PVT1: variants seen among roughly 807,000 people sequenced by gnomAD.
PVT1 encodes Pvt1 oncogene, also known as CXCR4/PVT1 fusion.
intron 5 of PVT1, among the ~76,000 whole-genome samples, chr8:128,079,385 G>A (rs2608044): frequency 5.9e-5 from 9 of 152,008 alleles, no homozygotes; most frequent in South Asian, 2.1e-4. Flanking sequence ...CTCTTCTCCC[G>A]TCATATCCCC....
intron 3 of PVT1, chr8:127,984,317 CT>C (rs1816918686): frequency 6.6e-6 from 1 of 152,164 alleles, no homozygotes; most frequent in African/African-American, 2.4e-5. Context: ...CCTATGGCTG[CT>C]GATCACGTCC....
intron 2 of PVT1, among the ~76,000 whole-genome samples, chr8:127,840,578 G>A (rs1431339199): frequency 6.6e-6 from 1 of 152,212 alleles, no homozygotes; most frequent in African/African-American, 2.4e-5. Flanking sequence ...GTGGGATGCC[G>A]GGAGACTGGC....
intron 4 of PVT1, among the ~76,000 whole-genome samples, chr8:128,016,322 A>G (rs1408248040): frequency 2.6e-5 from 4 of 151,688 alleles, no homozygotes; most frequent in Admixed American, 2.6e-4. Context: ...CTCTGCCATA[A>G]ATACCTTAGT....
chr8:127,999,236 G>C (rs1439160382), intron 4 of PVT1: 1 of 152,174 alleles, frequency 6.6e-6, no homozygotes, highest in Non-Finnish European at 1.5e-5. Flanking sequence ...TCCCCCAAAT[G>C]TGGGAGACTT....
chr8:128,029,810 A>G (rs1813368481), intron 4 of PVT1, among the ~76,000 whole-genome samples: 1 of 152,022 alleles, frequency 6.6e-6, no homozygotes, highest in African/African-American at 2.4e-5. Flanking sequence ...AAAACAAACA[A>G]ACAAAAAAAC....
Position 127,904,313 on chromosome 8 carries a change from A to G in PVT1, n.782+13315A>G, listed in dbSNP as rs181668505. Among the ~76,000 whole-genome samples, 50 of 101,912 alleles carry G rather than the reference A, an allele frequency of 4.9e-4. No homozygotes were observed. The East Asian group carries it at 0.012, about 25-fold the overall frequency. The allele number at this position is 101,912 out of a possible 152,430, so 66.9% of individuals were successfully genotyped here. A position where few individuals can be genotyped will look rare whatever the true frequency, so the allele number is the denominator to read the frequency against. ...CCTCTTTTATTATTGGGTACTAAGGATTTAAGGATATTTTTGTTCTGGTGG... is the reference window on the plus strand; with the variant it reads ...CCTCTTTTATTATTGGGTACTAAGGGTTTAAGGATATTTTTGTTCTGGTGG... On this transcript the variant is annotated intron_variant and non_coding_transcript_variant, in intron 3 of 10. Transcript: ENST00000651587.
intron 4 of PVT1, among the ~76,000 whole-genome samples, chr8:128,005,775 A>G (rs1438308261): frequency 1.3e-5 from 2 of 152,152 alleles, no homozygotes; most frequent in African/African-American, 4.8e-5. Context: ...TGCTGCTGAA[A>G]GGTGGAGGGT....
At chr8:127,859,938 T>G (rs138664064) in intron 2 of PVT1, among the ~76,000 whole-genome samples, 2,572 of 152,072 alleles carry the variant, frequency 0.017, 35 homozygotes, top group Middle Eastern at 0.037. Context: ...TTCTCTTCCC[T>G]CCTTTCGTGT....
intron 6 of PVT1, among the ~76,000 whole-genome samples, chr8:128,100,716 C>T (rs2245945): frequency 0.75 from 114,336 of 152,072 alleles, 47,158 homozygotes; most frequent in Non-Finnish European, 0.93. Context: ...TCCATCTTGC[C>T]TTTCTCTTAA....
intron 4 of PVT1, among the ~76,000 whole-genome samples, chr8:128,035,878 T>A (rs543674817): frequency 2.0e-5 from 3 of 152,306 alleles, no homozygotes; most frequent in African/African-American, 7.2e-5. Context: ...AAGAAACTGA[T>A]TTTCCTTTGG....
At chr8:128,031,329 A>AG (rs1813384431) in intron 4 of PVT1, among the ~76,000 whole-genome samples, 1 of 152,254 alleles carries the variant, frequency 6.6e-6, no homozygotes, top group African/African-American at 2.4e-5. Context: ...TGTAGAACAC[A>AG]AAAGCTGCAG....
At chr8:127,875,248 C>T in intron 2 of PVT1, among the ~76,000 whole-genome samples, 1 of 152,042 alleles carries the variant, frequency 6.6e-6, no homozygotes, top group African/African-American at 2.4e-5. Context: ...TTGTGAGAGC[C>T]AGGAGGGTAC....
At chr8:128,044,686 G>C (rs1275636490) in intron 4 of PVT1, among the ~76,000 whole-genome samples, 2 of 152,354 alleles carry the variant, frequency 1.3e-5, no homozygotes, top group Admixed American at 1.3e-4. Flanking sequence ...TTACCTTGAG[G>C]AGATAGCAAG....
In PVT1 at chr8:127,984,875, TTC is replaced by T. The variant is rs529490797; in HGVS notation, n.783-4285_783-4284del. Among the ~76,000 whole-genome samples, 3 of 86,160 alleles carry T rather than the reference TTC, an allele frequency of 3.5e-5. 1 individual carries two copies. The highest frequency in any genetic ancestry group is 7.2e-5 in the Non-Finnish European group (3 of 41,552). 56.5% of individuals were successfully genotyped at this position (86,160 alleles called of 152,430 possible). On this transcript the variant is annotated intron_variant and non_coding_transcript_variant, in intron 3 of 10. Coordinates refer to ENST00000651587, the Ensembl canonical transcript of PVT1. ...TTTCTTTCTTTCTTTCTTTCTTTCT[TTC>T]TTTCTTTCTTTCTTTCTTTCTTTCT... is the stretch of plus-strand genomic sequence containing the variant.
chr8:127,813,983 A>G (rs1814631935), intron 2 of PVT1, among the ~76,000 whole-genome samples: 1 of 152,266 alleles, frequency 6.6e-6, no homozygotes, highest in African/African-American at 2.4e-5. Flanking sequence ...GGGTTTCGCT[A>G]TGTTGGCCAG....
chr8:127,843,756 T>G (rs2129720093), intron 2 of PVT1, among the ~76,000 whole-genome samples: 1 of 22,134 alleles, frequency 4.5e-5, no homozygotes, highest in Middle Eastern at 0.014. Flanking sequence ...GTTTGGCTGT[T>G]TTTTTAATAG....
At chr8:127,878,537 T>G (rs974069382) in intron 2 of PVT1, among the ~76,000 whole-genome samples, 21 of 152,220 alleles carry the variant, frequency 1.4e-4, no homozygotes, top group African/African-American at 5.1e-4. Flanking sequence ...CATCCCTCCC[T>G]CTTTTTTCCC....
chr8:127,892,317 T>C (rs977407273), intron 3 of PVT1, among the ~76,000 whole-genome samples: 1 of 152,246 alleles, frequency 6.6e-6, no homozygotes, highest in African/African-American at 2.4e-5. Flanking sequence ...GTAATCTTTC[T>C]GAGTTGAGGA....
chr8:127,986,861 A>G (rs141616654), intron 3 of PVT1, among the ~76,000 whole-genome samples: 165 of 152,314 alleles, frequency 1.1e-3, no homozygotes, highest in Middle Eastern at 0.01. Context: ...AACATTAATC[A>G]GTTTGGCTGC....
Sources: gnomAD v4.1 joint callset for allele counts (sites outside exome capture counted in the v4.1 genomes callset) on GRCh38, gnomAD v4.1.1 for gene constraint, MANE v1.5 for transcripts, NCBI Gene and HGNC (gene_info 2026-07-23, HGNC 2026-07-21) for gene names.